CUX2: variants seen among roughly 807,000 people sequenced by gnomAD.
CUX2 encodes cut like homeobox 2.
CUX2 carries 40 observed loss-of-function variants against 144.8 expected under a neutral mutation model. The ratio of observed to expected loss-of-function variants is 0.28; its 90% CI spans 0.21 to 0.36. The LOEUF (loss-of-function observed/expected upper bound fraction) is 0.36. Among genes scored for constraint, CUX2 ranks in the 10% least tolerant of loss-of-function variants. CUX2 has a pLI of 1.00. For synonymous variants in CUX2, 827 were observed against 875.6 expected (o/e 0.94, Z 0.98); for missense variants, 1,615 against 1,994.0 (o/e 0.81, Z 3.62).
chr12:111,077,402 T>C lies in CUX2; in HGVS notation c.63+43162T>C, dbSNP rs1794841246. Among the ~76,000 whole-genome samples the C allele has an allele frequency of 1.3e-5, 2 of 152,170 alleles. No individual in the cohort carries two copies. The highest frequency in any genetic ancestry group is 4.8e-5 in the African/African-American group (2 of 41,440). On this transcript the variant is annotated intron_variant, in intron 1 of 21. Transcript: ENST00000261726. This position sits in a 1 kb window ranked among gnomAD's most constrained non-coding sequence, Gnocchi z 4.1. ...GACTGGCGCGGCCATGCCATCGACC[T>C]GAACCCCCTGGACTTCTGCCCCCCT...
At chr12:111,321,840 G>T (rs572132965) in intron 17 of CUX2, among the ~76,000 whole-genome samples, 1 of 152,232 alleles carries the variant, frequency 6.6e-6, no homozygotes, top group South Asian at 2.1e-4. Flanking sequence ...AGGCAAGCTC[G>T]GAGGAGGGAG....
rs954074145 is a variant in CUX2 at position 111,034,857 on chromosome 12, G to C, written c.63+617G>C. ...GCGCAGCCCGGACGCGCCGCCACCC[G>C]GGGGCCGCCGCCGCCGCCGCCAGAG... is the stretch of plus-strand genomic sequence containing the variant. On this transcript the variant is annotated intron_variant, in intron 1 of 21. Coordinates refer to ENST00000261726, the MANE Select transcript of CUX2 (RefSeq NM_015267.4). This position sits in a 1 kb window ranked among gnomAD's most constrained non-coding sequence, Gnocchi z 4.2. 1.3e-5 allele frequency among the ~76,000 whole-genome samples: 2 copies of C among 149,034 alleles called. No individual in the cohort carries two copies. Among genetic ancestry groups the C allele is most frequent in the Non-Finnish European group, 3.0e-5 (2 of 66,900 alleles).
chr12:111,305,364 C>T (rs1004899419), intron 10 of CUX2, among the ~76,000 whole-genome samples: 6 of 152,144 alleles, frequency 3.9e-5, no homozygotes, highest in African/African-American at 1.4e-4. Context: ...ATATACAGGC[C>T]CAGGTGTCTA....
At chr12:111,168,873 G>C (rs1878327027) in intron 1 of CUX2, among the ~76,000 whole-genome samples, 1 of 152,164 alleles carries the variant, frequency 6.6e-6, no homozygotes, top group Admixed American at 6.5e-5. Context: ...GCTCAGCCGG[G>C]TGGGGGTTGC....
Position 111,341,883 on chromosome 12 carries a change from G to A in CUX2, c.3489G>A (p.Leu1163=), listed in dbSNP as rs773129324. The A allele has an allele frequency of 1.2e-6, 2 of 1,614,062 alleles. No homozygotes were observed. The highest frequency in any genetic ancestry group is 1.1e-5 in the South Asian group (1 of 91,082). ...CPSPCLQPQD[L]SLLQIKKPRV... is the part of the protein sequence containing the mutation. The stretch of plus-strand genomic sequence containing the variant: ...GCCCCTGCCTGCAGCCCCAGGACCT[G>A]AGCCTCCTGCAGATCAAGAAGCCCC... The change falls in exon 21 of 22, where the codon CTG becomes CTA. Residue 1163 remains leucine (L), a synonymous_variant. Coordinates refer to ENST00000261726, the MANE Select transcript of CUX2 (RefSeq NM_015267.4).
At chr12:111,214,679 G>A (rs74771545) in intron 2 of CUX2, among the ~76,000 whole-genome samples, 8 of 152,152 alleles carry the variant, frequency 5.3e-5, no homozygotes, top group East Asian at 1.9e-4. Context: ...GACAGCCGTC[G>A]ACTCTCTAAC....
At chr12:111,252,407 C>T (rs1198696347) in intron 3 of CUX2, among the ~76,000 whole-genome samples, 1 of 152,130 alleles carries the variant, frequency 6.6e-6, no homozygotes, top group Non-Finnish European at 1.5e-5. Flanking sequence ...GCTAGTTTCT[C>T]CTCTTTCCTA....
At chr12:111,036,520 A>G (rs555080500) in intron 1 of CUX2, among the ~76,000 whole-genome samples, 81 of 152,068 alleles carry the variant, frequency 5.3e-4, no homozygotes, top group Non-Finnish European at 8.5e-4. Context: ...AGATGCATAG[A>G]TGGAAAGCAA....
rs1157972415 is a variant in CUX2 at position 111,314,666 on chromosome 12, AAAC to A, written c.2002+2466_2002+2468del. ...AAAAAAAAAAAAAAAAAAAAAAAAAAAACCCCATCTCCTCTAAAAATACAAAAA... is the reference window on the plus strand; with the variant it reads ...AAAAAAAAAAAAAAAAAAAAAAAAAACCCATCTCCTCTAAAAATACAAAAA... On this transcript the variant is annotated intron_variant, in intron 16 of 21. Coordinates refer to ENST00000261726, the MANE Select transcript of CUX2 (RefSeq NM_015267.4). Among the ~76,000 whole-genome samples, 34 of 74,176 alleles carry A rather than the reference AAAC, an allele frequency of 4.6e-4. 1 individual carries two copies. Among genetic ancestry groups the A allele is most frequent in the African/African-American group, 4.4e-3 (32 of 7,248 alleles). The allele number at this position is 74,176 out of a possible 152,430, so 48.7% of individuals were successfully genotyped here.
intron 4 of CUX2, among the ~76,000 whole-genome samples, chr12:111,273,761 C>A (rs1055567095): frequency 6.6e-6 from 1 of 152,196 alleles, no homozygotes; most frequent in African/African-American, 2.4e-5. Flanking sequence ...TCCTGTGCTG[C>A]CATTTTGCTT....
At chr12:111,067,325 T>C (rs1871061650) in intron 1 of CUX2, among the ~76,000 whole-genome samples, 1 of 152,118 alleles carries the variant, frequency 6.6e-6, no homozygotes, top group Non-Finnish European at 1.5e-5. Flanking sequence ...GTTGTCCCTA[T>C]AGCTGAGACG....
chr12:111,045,385 C>G (rs1386363933), intron 1 of CUX2, among the ~76,000 whole-genome samples: 1 of 152,120 alleles, frequency 6.6e-6, no homozygotes, highest in Non-Finnish European at 1.5e-5. Flanking sequence ...CCCAAGCTGC[C>G]TGAGGTGTTG....
intron 1 of CUX2, among the ~76,000 whole-genome samples, chr12:111,050,829 T>G (rs1029065838): frequency 6.6e-6 from 1 of 152,224 alleles, no homozygotes; most frequent in Non-Finnish European, 1.5e-5. Context: ...TGTTAAGAAT[T>G]TTTTAATAGA....
chr12:111,153,984 C>T (rs973191057), intron 1 of CUX2, among the ~76,000 whole-genome samples: 2 of 152,214 alleles, frequency 1.3e-5, no homozygotes, highest in South Asian at 2.1e-4. Context: ...GCCCCAAGTT[C>T]CCCCTTTTTA....
chr12:111,340,804 ACCTTT>A (rs1888542987), intron 20 of CUX2, among the ~76,000 whole-genome samples: 1 of 152,070 alleles, frequency 6.6e-6, no homozygotes, highest in Admixed American at 6.6e-5. Context: ...GGGGGTTTTT[ACCTTT>A]CTCAACTTTT....
At chr12:111,321,302 A>G (rs1312900638) in intron 17 of CUX2, among the ~76,000 whole-genome samples, 4 of 152,110 alleles carry the variant, frequency 2.6e-5, no homozygotes, top group Middle Eastern at 3.2e-3. Context: ...CCCCATCTCT[A>G]CTAAAAATAT....
intron 4 of CUX2, among the ~76,000 whole-genome samples, chr12:111,273,390 A>G (rs541223996): frequency 2.6e-5 from 4 of 152,306 alleles, no homozygotes; most frequent in East Asian, 1.9e-4. Flanking sequence ...AATTCAAGCC[A>G]CTTGCCCAAG....
intron 1 of CUX2, among the ~76,000 whole-genome samples, chr12:111,202,997 C>T (rs1052376436): frequency 3.9e-5 from 6 of 152,014 alleles, no homozygotes; most frequent in African/African-American, 1.5e-4. Flanking sequence ...TTTGGGATGC[C>T]AAGGTGAGCG....
chr12:111,099,329 G>C (rs1263847585), intron 1 of CUX2: 1 of 342,840 alleles, frequency 2.9e-6, no homozygotes, highest in African/African-American at 2.1e-5. Context: ...AAGAGCTGAG[G>C]CTGGAGGCCA....
Sources: gnomAD v4.1 joint callset for allele counts (sites outside exome capture counted in the v4.1 genomes callset) on GRCh38, gnomAD v4.1.1 for gene constraint, Gnocchi (gnomAD v3.1) non-coding constraint, MANE v1.5 for transcripts, NCBI Gene and HGNC (gene_info 2026-07-23, HGNC 2026-07-21) for gene names.